The following ZBBX variants were observed in gnomAD, a reference collection of about 807,000 sequenced individuals.
ZBBX encodes the protein zinc finger B-box domain containing, also known as zinc finger B-box domain-containing protein 1.
ZBBX carries 101 observed loss-of-function variants against 108.5 expected under a neutral mutation model. The observed-to-expected ratio is 0.93, with a 90% CI of 0.79 to 1.10. The LOEUF (loss-of-function observed/expected upper bound fraction) is 1.10, where lower values mean the gene tolerates loss of function less well. Ranked by LOEUF, ZBBX falls within the 50% of genes least tolerant of loss-of-function variation. The pLI, the probability that ZBBX is intolerant of heterozygous loss-of-function variation, is 0.00. For synonymous variants in ZBBX, 356 were observed against 323.4 expected (o/e 1.10, Z -1.08); for missense variants, 1,009 against 941.4 (o/e 1.07, Z -0.94).
At chr3:167,306,826 C>T (rs1733726760) in intron 16 of ZBBX, among the ~76,000 whole-genome samples, 1 of 152,132 alleles carries the variant, frequency 6.6e-6, no homozygotes, top group Admixed American at 6.6e-5. Flanking sequence ...CTGGTTATCC[C>T]TTACTCTGTT....
downstream of ZBBX, among the ~76,000 whole-genome samples, chr3:167,239,448 C>T (rs945998523): frequency 6.6e-6 from 1 of 151,728 alleles, no homozygotes; most frequent in South Asian, 2.1e-4. Context: ...TTTTTTTTCT[C>T]GCCCTTCTCA....
intron 20 of ZBBX, among the ~76,000 whole-genome samples, chr3:167,244,319 A>T (rs114603815): frequency 0.014 from 2,128 of 152,308 alleles, 27 homozygotes; most frequent in South Asian, 0.026. Context: ...TCCTAATGAA[A>T]GGGAATGCTC....
the ZBBX span, among the ~76,000 whole-genome samples, chr3:167,179,466 T>C: frequency 2.4e-4 from 36 of 152,228 alleles, no homozygotes; most frequent in African/African-American, 6.8e-4. Flanking sequence ...GGAAGAGGGG[T>C]ATGAGCCCTA....
At chr3:167,191,934 T>TAGAGAGAG in the ZBBX span, among the ~76,000 whole-genome samples, 139 of 130,216 alleles carry the variant, frequency 1.1e-3, 3 homozygotes, top group African/African-American at 3.9e-3. Flanking sequence ...TATATATATA[T>TAGAGAGAG]AGAGCAAGTT....
upstream of ZBBX, among the ~76,000 whole-genome samples, chr3:167,383,157 C>T (rs930655592): frequency 1.2e-4 from 19 of 152,028 alleles, no homozygotes; most frequent in Non-Finnish European, 2.9e-5. Flanking sequence ...ATCATATCTG[C>T]AGCTTTCCAG....
chr3:167,250,900 A>G (rs1022612452), intron 20 of ZBBX, among the ~76,000 whole-genome samples: 2 of 152,198 alleles, frequency 1.3e-5, no homozygotes, highest in Admixed American at 1.3e-4. Context: ...CCATGCTCTC[A>G]TTCTGGGCCT....
chr3:167,267,193 G>T (rs896941284), intron 20 of ZBBX, among the ~76,000 whole-genome samples: 34 of 152,190 alleles, frequency 2.2e-4, no homozygotes, highest in Non-Finnish European at 2.9e-5. Flanking sequence ...TGGGGGTCCC[G>T]TCAGGGGTTT....
chr3:167,192,927 T>C, the ZBBX span, among the ~76,000 whole-genome samples: 1 of 152,234 alleles, frequency 6.6e-6, no homozygotes, highest in African/African-American at 2.4e-5. Context: ...TTTTAGATTC[T>C]TGGTCAGATA....
the ZBBX span, among the ~76,000 whole-genome samples, chr3:167,178,505 T>C: frequency 6.6e-6 from 1 of 152,128 alleles, no homozygotes; most frequent in Non-Finnish European, 1.5e-5. Context: ...GTGTTGCTCG[T>C]GACAGTTGGG....
intron 12 of ZBBX, among the ~76,000 whole-genome samples, chr3:167,317,987 G>A (rs773887200): frequency 1.4e-4 from 21 of 151,860 alleles, no homozygotes; most frequent in East Asian, 1.9e-4. Flanking sequence ...TGAGTTCTAC[G>A]GGAACCTGAG....
chr3:167,358,263 C>T (rs931695023), intron 8 of ZBBX, among the ~76,000 whole-genome samples: 1 of 151,632 alleles, frequency 6.6e-6, no homozygotes, highest in Non-Finnish European at 1.5e-5. Flanking sequence ...CTATGCTAAG[C>T]GAAATAAGCC....
chr3:167,288,716 GAA>G (rs1401027116), intron 19 of ZBBX, 149 bp downstream of exon 19: 9 of 423,740 alleles, frequency 2.1e-5, no homozygotes, highest in Non-Finnish European at 4.2e-6. Flanking sequence ...GGTTTTGGAA[GAA>G]AAGTCGAGGA....
chr3:167,292,127 T>A (rs1730801896), intron 18 of ZBBX, among the ~76,000 whole-genome samples: 1 of 152,132 alleles, frequency 6.6e-6, no homozygotes, highest in Admixed American at 6.5e-5. Context: ...CACCCCACTA[T>A]CAATATTAGA....
At chr3:167,190,442 G>T in the ZBBX span, among the ~76,000 whole-genome samples, 850 of 145,200 alleles carry the variant, frequency 5.9e-3, 13 homozygotes, top group African/African-American at 0.021. Flanking sequence ...GTGCAGTGGC[G>T]CAATCTCGGC....
rs1745114975 is a variant in ZBBX at position 167,365,014 on chromosome 3, C to T, written c.273+872G>A. Among the ~76,000 whole-genome samples the T allele has an allele frequency of 2.0e-5, 3 of 151,740 alleles. No homozygotes were observed. The South Asian group carries it at 6.2e-4, about 31-fold the overall frequency. ...TTTCCTACCCTTTTAATTCAGCCTC[C>T]TTTCATCTGACCTCTAGATTATTTT... On this transcript the variant is annotated intron_variant, in intron 6 of 21. Coordinates refer to ENST00000675490, the MANE Select transcript of ZBBX (RefSeq NM_001199201.2).
rs570327990 is a variant in ZBBX at position 167,363,567 on chromosome 3, T to C, written c.273+2319A>G. The stretch of plus-strand genomic sequence containing the variant: ...GTGAAGGCCTCTTTAATGGACTACC[T>C]CTTCAAAGACCACACACCCAGCAAC... On this transcript the variant is annotated intron_variant, in intron 6 of 21. Transcript: ENST00000675490. 3.9e-5 allele frequency among the ~76,000 whole-genome samples: 6 copies of C among 152,158 alleles called. No homozygotes were observed. The South Asian group carries it at 1.2e-3, about 32-fold the overall frequency.
At chr3:167,207,798 C>T in the ZBBX span, among the ~76,000 whole-genome samples, 1 of 152,106 alleles carries the variant, frequency 6.6e-6, no homozygotes, top group Non-Finnish European at 1.5e-5. Flanking sequence ...ACCCTCCCCA[C>T]AGAACAGCAA....
intron 1 of ZBBX, among the ~76,000 whole-genome samples, chr3:167,400,764 G>A (rs1748400822): frequency 1.3e-5 from 2 of 152,170 alleles, no homozygotes; most frequent in South Asian, 4.1e-4. Context: ...GTCAACATAT[G>A]TAAGATGAAC....
the ZBBX span, among the ~76,000 whole-genome samples, chr3:167,204,212 T>A: frequency 2.0e-5 from 3 of 148,114 alleles, no homozygotes; most frequent in East Asian, 4.0e-4. Flanking sequence ...TTTTTTTTTT[T>A]AATTTTTTCA....
Sources: allele counts gnomAD v4.1 joint callset (sites outside exome capture counted in the v4.1 genomes callset), GRCh38; gene constraint gnomAD v4.1.1; transcripts MANE v1.5; gene names NCBI Gene and HGNC (gene_info 2026-07-23, HGNC 2026-07-21).